The following ARHGAP10 variants were observed in gnomAD, a reference collection of about 807,000 sequenced individuals.
ARHGAP10 encodes the protein Rho GTPase activating protein 10.
A neutral mutation model predicts 108.6 loss-of-function variants in ARHGAP10; 87 were observed. That is an observed-to-expected ratio of 0.80 (90% confidence interval 0.67 to 0.96). ARHGAP10 has a LOEUF of 0.96. ARHGAP10 is among the 40% of genes least tolerant of loss of function. The probability of loss-of-function intolerance (pLI) is 0.00; values close to 1 mark genes in which losing one functional copy is unlikely to be tolerated. For missense variants in ARHGAP10, 939 were observed against 954.5 expected (o/e 0.98, Z 0.21); for synonymous variants, 347 against 341.1 (o/e 1.02, Z -0.19).
intron 14 of ARHGAP10, among the ~76,000 whole-genome samples, chr4:147,944,464 C>T (rs1370381077): frequency 3.9e-5 from 6 of 152,236 alleles, no homozygotes; most frequent in South Asian, 2.1e-4. Context: ...AAATAACCAT[C>T]ACTTCCTGTT....
intron 16 of ARHGAP10, among the ~76,000 whole-genome samples, chr4:147,960,334 G>C (rs562792802): frequency 5.9e-5 from 9 of 152,044 alleles, no homozygotes; most frequent in Admixed American, 5.9e-4. Context: ...AGCTGTCTTA[G>C]TGTCCTCAGT....
At chr4:147,930,206 C>T (rs942331336) in intron 13 of ARHGAP10, among the ~76,000 whole-genome samples, 1 of 152,160 alleles carries the variant, frequency 6.6e-6, no homozygotes, top group Admixed American at 6.6e-5. Flanking sequence ...TCTGTAGAAT[C>T]ATACGGCTGC....
chr4:148,015,875 T>C (rs1309329710), intron 18 of ARHGAP10, among the ~76,000 whole-genome samples: 1 of 152,230 alleles, frequency 6.6e-6, no homozygotes, highest in Non-Finnish European at 1.5e-5. Context: ...AGAGCCTGCG[T>C]TGATTTCTAG....
At chr4:147,885,856 CT>C (rs1365776349) in intron 10 of ARHGAP10, among the ~76,000 whole-genome samples, 2 of 152,094 alleles carry the variant, frequency 1.3e-5, no homozygotes, top group African/African-American at 2.4e-5. Context: ...TTTCCTTACC[CT>C]TTTCTGTGTT....
chr4:148,023,397 T>TCTGGAG lies in ARHGAP10; in HGVS notation c.1857_1862dup (p.Leu620_Glu621dup). 6.2e-7 allele frequency: 1 copy of TCTGGAG among 1,613,626 alleles called. No homozygotes were observed. Among genetic ancestry groups the TCTGGAG allele is most frequent in the Non-Finnish European group, 8.5e-7 (1 of 1,179,656 alleles). ...GGCCCGTGGCCGTCTACAATCTTTGTCTGGAGCTGGAAGATGGTAAGATGT... is the reference window on the plus strand; with the variant it reads ...GGCCCGTGGCCGTCTACAATCTTTGTCTGGAGCTGGAGCTGGAAGATGGTAAGATGT... On this transcript the variant is annotated inframe_insertion, in exon 19 of 23. Coordinates refer to ENST00000336498, the MANE Select transcript of ARHGAP10 (RefSeq NM_024605.4).
chr4:147,756,239 C>T (rs1015002061), intron 1 of ARHGAP10, among the ~76,000 whole-genome samples: 3 of 152,076 alleles, frequency 2.0e-5, no homozygotes, highest in Non-Finnish European at 2.9e-5. Flanking sequence ...TTCTTAATTG[C>T]TCTCCCTAGC....
chr4:147,822,592 G>A, intron 1 of ARHGAP10, 135 bp from the exon 2 acceptor site: 1 of 839,290 alleles, frequency 1.2e-6, no homozygotes, highest in Non-Finnish European at 1.9e-6. Context: ...CATTTGGCAA[G>A]GGAGTTGGGT....
chr4:148,068,779 G>A (rs1253412490), intron 22 of ARHGAP10, among the ~76,000 whole-genome samples: 8 of 152,166 alleles, frequency 5.3e-5, no homozygotes, highest in Non-Finnish European at 7.3e-5. Context: ...GGCACTCACC[G>A]TGTGATGATG....
intron 1 of ARHGAP10, among the ~76,000 whole-genome samples, chr4:147,797,882 A>G (rs942938070): frequency 7.2e-5 from 11 of 151,998 alleles, no homozygotes; most frequent in African/African-American, 2.7e-4. Flanking sequence ...GTGGCATCCC[A>G]TCTCATCTAG....
chr4:147,832,890 G>A lies in ARHGAP10; in HGVS notation c.312+9933G>A, dbSNP rs185189479. ...GCAGCAGTCATGAAACGGACATGAG[G>A]TTACTTCTCTTTTACTCTTTGGACA... On this transcript the variant is annotated intron_variant, in intron 3 of 22. Transcript: ENST00000336498. Among the ~76,000 whole-genome samples, 6 of 152,240 alleles carry A rather than the reference G, an allele frequency of 3.9e-5. No individual in the cohort carries two copies. The East Asian group carries it at 9.7e-4, about 24-fold the overall frequency.
rs193123468 is a variant in ARHGAP10 at position 147,766,836 on chromosome 4, A to T, written c.154+34381A>T. Reference sequence around the variant, plus strand: ...TATATATATATATATATATATATATATATTTATTTATTTATTTATTTATTT... The same window carrying T: ...TATATATATATATATATATATATATTTATTTATTTATTTATTTATTTATTT... On this transcript the variant is annotated intron_variant, in intron 1 of 22. Transcript: ENST00000336498. Among the ~76,000 whole-genome samples, 379 of 43,446 alleles carry T rather than the reference A, an allele frequency of 8.7e-3. 2 individuals carry two copies. Among genetic ancestry groups the T allele is most frequent in the African/African-American group, 0.02 (265 of 13,572 alleles). 28.5% of individuals were successfully genotyped at this position (43,446 alleles called of 152,430 possible).
chr4:147,810,140 C>T (rs1731961497), intron 1 of ARHGAP10, among the ~76,000 whole-genome samples: 1 of 152,160 alleles, frequency 6.6e-6, no homozygotes, highest in Non-Finnish European at 1.5e-5. Context: ...GTGGTGGGCA[C>T]AAGATTCTCC....
chr4:147,795,907 C>T (rs1240510621), intron 1 of ARHGAP10, among the ~76,000 whole-genome samples: 2 of 151,978 alleles, frequency 1.3e-5, no homozygotes, highest in South Asian at 2.1e-4. Context: ...ATTGGACAAG[C>T]TGGTCTCAAA....
intron 13 of ARHGAP10, among the ~76,000 whole-genome samples, chr4:147,925,845 T>C (rs1204386627): frequency 6.6e-6 from 1 of 152,204 alleles, no homozygotes; most frequent in Non-Finnish European, 1.5e-5. Context: ...CTCAGGGCAC[T>C]GCAAAGATGG....
At position 147,980,913 on chromosome 4, in the gene ARHGAP10, G is replaced by A. The variant is rs145852026; in HGVS notation, c.1716+14074G>A. ...TATGTCACCTTTGTTATTTTTGATT[G>A]TGCTTATTTGGATCTTCTCTCCTTT... On this transcript the variant is annotated intron_variant, in intron 18 of 22. Transcript: ENST00000336498. Among the ~76,000 whole-genome samples, 272 of 152,132 alleles carry A rather than the reference G, an allele frequency of 1.8e-3. 1 individual carries two copies. The highest frequency in any genetic ancestry group is 6.3e-3 in the African/African-American group (261 of 41,522).
intron 22 of ARHGAP10, chr4:148,065,720 TTTG>T (rs1272650485): frequency 1.3e-5 from 2 of 152,182 alleles, no homozygotes; most frequent in African/African-American, 4.8e-5. Flanking sequence ...TGTGATTGGA[TTTG>T]TTTAGAAGAC....
intron 13 of ARHGAP10, 88 bp downstream of exon 13, chr4:147,913,227 T>G (rs768436443): frequency 1.5e-5 from 18 of 1,207,852 alleles, no homozygotes; most frequent in Non-Finnish European, 2.2e-5. Context: ...TTTTAAGTGT[T>G]ACAGAATGAA....
chr4:147,747,384 C>G (rs1728976695), intron 1 of ARHGAP10, among the ~76,000 whole-genome samples: 2 of 152,188 alleles, frequency 1.3e-5, no homozygotes, highest in Non-Finnish European at 2.9e-5. Flanking sequence ...TTCTCTTGCT[C>G]TTTTCTAGCT....
chr4:147,945,054 CT>C (rs1318500393), intron 14 of ARHGAP10, among the ~76,000 whole-genome samples: 2 of 152,178 alleles, frequency 1.3e-5, no homozygotes, highest in Non-Finnish European at 2.9e-5. Context: ...AGGTTTGCAA[CT>C]CGCTTGTGGT....
Sources: gnomAD v4.1 joint callset for allele counts (sites outside exome capture counted in the v4.1 genomes callset) on GRCh38, gnomAD v4.1.1 for gene constraint, MANE v1.5 for transcripts, NCBI Gene and HGNC (gene_info 2026-07-23, HGNC 2026-07-21) for gene names.